Variants in MMP26 observed in about 807,000 individuals in gnomAD.
MMP26 encodes matrix metalloproteinase-26.
Under a neutral mutation model 31.0 loss-of-function variants are expected in MMP26, and 33 were observed. The ratio of observed to expected loss-of-function variants is 1.06; its 90% CI spans 0.81 to 1.42. MMP26 has a LOEUF of 1.42. MMP26 is among the 40% of genes most tolerant of loss of function. The probability of loss-of-function intolerance (pLI) is 0.00; values close to 1 mark genes in which losing one functional copy is unlikely to be tolerated. For synonymous variants in MMP26, 122 were observed against 114.9 expected (o/e 1.06, Z -0.40); for missense variants, 347 against 316.1 (o/e 1.10, Z -0.74).
At chr11:4,846,121 G>C (rs977019390) in intron 2 of MMP26, among the ~76,000 whole-genome samples, 2 of 152,104 alleles carry the variant, frequency 1.3e-5, no homozygotes, top group African/African-American at 4.8e-5. Flanking sequence ...CTGCAGCATG[G>C]TTCACAATAG....
intron 2 of MMP26, among the ~76,000 whole-genome samples, chr11:4,934,848 C>A (rs1851410094): frequency 6.6e-6 from 1 of 151,086 alleles, no homozygotes; most frequent in South Asian, 2.1e-4. Flanking sequence ...TTCCCCATTG[C>A]TTGTTTTTCT....
Position 4,915,086 on chromosome 11 carries a change from G to A in MMP26, c.-144-72982G>A, listed in dbSNP as rs542707748. 18 of 1,614,078 alleles carry A rather than the reference G, an allele frequency of 1.1e-5. No homozygotes were observed. In the East Asian group the frequency reaches 3.6e-4, roughly 32 times the overall value. On this transcript the variant is annotated intron_variant, in intron 2 of 7. Transcript: ENST00000380390. ...GCTGTTGGCCTTCATGTCGGCACAG[G>A]CCAATTTCATCACTTCTTGGTGGAG... is the stretch of plus-strand genomic sequence containing the variant.
At chr11:4,776,632 T>A (rs34799911) in intron 2 of MMP26, among the ~76,000 whole-genome samples, 6 of 152,154 alleles carry the variant, frequency 3.9e-5, no homozygotes, top group Admixed American at 1.3e-4. Context: ...TGGGAGGTGA[T>A]TGAATCATGG....
intron 1 of MMP26, among the ~76,000 whole-genome samples, chr11:4,745,855 A>G (rs1848373273): frequency 6.6e-6 from 1 of 152,200 alleles, no homozygotes; most frequent in Non-Finnish European, 1.5e-5. Context: ...TTGGAGTTAT[A>G]CAGTATACAG....
intron 1 of MMP26, among the ~76,000 whole-genome samples, chr11:4,738,684 T>G (rs79993515): frequency 0.024 from 3,587 of 152,294 alleles, 138 homozygotes; most frequent in African/African-American, 0.082. Context: ...TAAATAGCCT[T>G]TTGTCCTGGG....
chr11:4,915,117 A>G, intron 2 of MMP26: 2 of 1,614,132 alleles, frequency 1.2e-6, no homozygotes, highest in Middle Eastern at 1.7e-4. Context: ...TGGAGACAAT[A>G]AGAATGTGAG....
intron 2 of MMP26, among the ~76,000 whole-genome samples, chr11:4,918,245 T>A (rs533974069): frequency 6.6e-6 from 1 of 152,064 alleles, no homozygotes; most frequent in African/African-American, 2.4e-5. Flanking sequence ...TACTGAGAAG[T>A]TGGAAAAATT....
At chr11:4,813,254 A>G (rs556996166) in intron 2 of MMP26, among the ~76,000 whole-genome samples, 49 of 152,280 alleles carry the variant, frequency 3.2e-4, no homozygotes, top group Non-Finnish European at 6.9e-4. Context: ...TTGTTTATCT[A>G]GACACTTACC....
intron 2 of MMP26, among the ~76,000 whole-genome samples, chr11:4,824,575 G>C (rs538253843): frequency 6.6e-6 from 1 of 152,026 alleles, no homozygotes; most frequent in Non-Finnish European, 1.5e-5. Context: ...ATTCTTTGTT[G>C]CCTCTGTGAA....
intron 2 of MMP26, chr11:4,946,301 C>A (rs150732161): frequency 1.2e-6 from 2 of 1,613,526 alleles, no homozygotes; most frequent in Non-Finnish European, 1.7e-6. Flanking sequence ...AGAGACATGC[C>A]GGGCAAAGCG....
chr11:4,788,555 G>A (rs1848979553), intron 2 of MMP26, among the ~76,000 whole-genome samples: 1 of 152,052 alleles, frequency 6.6e-6, no homozygotes, highest in Non-Finnish European at 1.5e-5. Flanking sequence ...AAAAAAAATA[G>A]TATCTGCATA....
chr11:4,923,836 G>C, intron 2 of MMP26: 1 of 1,613,970 alleles, frequency 6.2e-7, no homozygotes, highest in Non-Finnish European at 8.5e-7. Context: ...GGCAGTATTG[G>C]AAGCGCTTCA....
chr11:4,878,414 G>A lies in MMP26; in HGVS notation c.-144-109654G>A, dbSNP rs1850414373. Among the ~76,000 whole-genome samples, 3 of 152,030 alleles carry A rather than the reference G, an allele frequency of 2.0e-5. No individual in the cohort carries two copies. The South Asian group carries it at 6.3e-4, about 32-fold the overall frequency. On this transcript the variant is annotated intron_variant, in intron 2 of 7. Transcript: ENST00000380390. ...TAAGGTATACATATTTAAGGGGTTG[G>A]AATCAGAAAAAATATTAAAAATAAA...
intron 1 of MMP26, among the ~76,000 whole-genome samples, chr11:4,750,204 A>T (rs184393388): frequency 3.4e-4 from 52 of 152,228 alleles, no homozygotes; most frequent in African/African-American, 1.3e-3. Context: ...TAATCATCAG[A>T]GAAGTGCAGA....
intron 2 of MMP26, among the ~76,000 whole-genome samples, chr11:4,889,055 G>A (rs1177834088): frequency 3.3e-5 from 5 of 152,192 alleles, no homozygotes; most frequent in Non-Finnish European, 4.4e-5. Context: ...CATGATTTCC[G>A]TAACATTCTA....
chr11:4,975,177 A>G (rs185090251), intron 2 of MMP26, among the ~76,000 whole-genome samples: 126 of 152,188 alleles, frequency 8.3e-4, no homozygotes, highest in Non-Finnish European at 1.7e-3. Context: ...ACATGCAAAC[A>G]AACAAACAAA....
chr11:4,764,570 A>G (rs530917564), intron 1 of MMP26, among the ~76,000 whole-genome samples: 66 of 152,294 alleles, frequency 4.3e-4, no homozygotes, highest in African/African-American at 1.4e-3. Context: ...GCTACAAAAA[A>G]TCTGTACAAA....
intron 2 of MMP26, among the ~76,000 whole-genome samples, chr11:4,863,033 G>C (rs80067888): frequency 6.6e-6 from 1 of 152,096 alleles, no homozygotes; most frequent in Non-Finnish European, 1.5e-5. Flanking sequence ...GCTTTCAGGT[G>C]GAAATGACCA....
chr11:4,874,953 G>T (rs908187394), intron 2 of MMP26, among the ~76,000 whole-genome samples: 8 of 152,092 alleles, frequency 5.3e-5, no homozygotes, highest in African/African-American at 1.9e-4. Context: ...CAGCCACATA[G>T]AAGCGTGGAA....
Sources: gnomAD v4.1 joint callset for allele counts (sites outside exome capture counted in the v4.1 genomes callset) on GRCh38, gnomAD v4.1.1 for gene constraint, MANE v1.5 for transcripts, NCBI Gene and HGNC (gene_info 2026-07-23, HGNC 2026-07-21) for gene names.